GPR137B: variants seen among roughly 807,000 people sequenced by gnomAD.
GPR137B encodes G protein-coupled receptor 137B, also known as integral membrane protein GPR137B.
A neutral mutation model predicts 42.5 loss-of-function variants in GPR137B; 42 were observed. The observed-to-expected ratio is 0.99, with a 90% CI of 0.77 to 1.28. The LOEUF is 1.28. Among genes scored for constraint, GPR137B ranks in the 50% most tolerant of loss-of-function variants. The probability of loss-of-function intolerance (pLI) is 0.00; values close to 1 mark genes in which losing one functional copy is unlikely to be tolerated. For synonymous variants in GPR137B, 218 were observed against 209.7 expected (o/e 1.04, Z -0.34); for missense variants, 487 against 493.9 (o/e 0.99, Z 0.13).
At chr1:236,207,093 A>C in intron 6 of GPR137B, 2 of 968,094 alleles carry the variant, frequency 2.1e-6, no homozygotes, top group Non-Finnish European at 2.5e-6. Flanking sequence ...AGTCTTTAGA[A>C]AACTTTTTAA....
At chr1:236,184,683 T>C (rs1429448294) in intron 5 of GPR137B, among the ~76,000 whole-genome samples, 1 of 152,216 alleles carries the variant, frequency 6.6e-6, no homozygotes, top group African/African-American at 2.4e-5. Context: ...CCTGTTTTTT[T>C]ATCTTGTTTT....
At chr1:236,159,934 G>A (rs546285618) in intron 1 of GPR137B, among the ~76,000 whole-genome samples, 181 of 152,310 alleles carry the variant, frequency 1.2e-3, no homozygotes, top group African/African-American at 3.7e-3. Context: ...ATTCCCCAGC[G>A]CCTGACAGCG....
intron 1 of GPR137B, among the ~76,000 whole-genome samples, chr1:236,159,030 A>C (rs1259094256): frequency 6.6e-6 from 1 of 152,186 alleles, no homozygotes; most frequent in African/African-American, 2.4e-5. Context: ...CAGAAACACC[A>C]CTAAGACATT....
chr1:236,151,138 T>G (rs1295051852), intron 1 of GPR137B, among the ~76,000 whole-genome samples: 1 of 152,212 alleles, frequency 6.6e-6, no homozygotes, highest in Non-Finnish European at 1.5e-5. Flanking sequence ...GGAAGGTCTG[T>G]CTGGGTCCTG....
rs775952091 is a variant in GPR137B, at chr1:236,205,260, T to A, written c.1091+10T>A. 6.2e-7 allele frequency: 1 copy of A among 1,603,434 alleles called. No homozygotes were observed. Among genetic ancestry groups the A allele is most frequent in the Non-Finnish European group, 8.5e-7 (1 of 1,171,170 alleles). On this transcript the variant is annotated intron_variant, in intron 6 of 6. Coordinates refer to ENST00000366592, the MANE Select transcript of GPR137B (RefSeq NM_003272.4). Reference sequence around the variant, plus strand: ...AGGGACTTCAGGGAGGGTAAGACCCTACTTCATGTTAGACAAGCCTCATCA... The same window carrying A: ...AGGGACTTCAGGGAGGGTAAGACCCAACTTCATGTTAGACAAGCCTCATCA...
chr1:236,203,052 T>A (rs1254211), intron 5 of GPR137B, among the ~76,000 whole-genome samples: 1 of 151,842 alleles, frequency 6.6e-6, no homozygotes, highest in Admixed American at 6.6e-5. Context: ...TTCTGTTCTA[T>A]TGGTCTATGT....
chr1:236,195,038 A>G (rs1468873423), intron 5 of GPR137B, among the ~76,000 whole-genome samples: 1 of 152,162 alleles, frequency 6.6e-6, no homozygotes, highest in Non-Finnish European at 1.5e-5. Context: ...ATGTTTTGAT[A>G]CAGGCATGAT....
At chr1:236,178,924 A>T (rs1662786188) in intron 3 of GPR137B, among the ~76,000 whole-genome samples, 1 of 148,594 alleles carries the variant, frequency 6.7e-6, no homozygotes, top group African/African-American at 2.5e-5. Flanking sequence ...CAGCCTCCTG[A>T]GTAGCTGGGA....
At chr1:236,197,971 T>G (rs1663387738) in intron 5 of GPR137B, among the ~76,000 whole-genome samples, 2 of 152,156 alleles carry the variant, frequency 1.3e-5, no homozygotes, top group Admixed American at 1.3e-4. Context: ...TCCACCCGCC[T>G]CGGCCTCCCA....
At chr1:236,149,781 C>T (rs186175610) in intron 1 of GPR137B, among the ~76,000 whole-genome samples, 32 of 152,378 alleles carry the variant, frequency 2.1e-4, no homozygotes, top group Admixed American at 7.2e-4. Context: ...CCCCTGGCAC[C>T]GGCTCCCTGC....
chr1:236,147,544 A>G (rs1305664150), intron 1 of GPR137B, among the ~76,000 whole-genome samples: 1 of 152,122 alleles, frequency 6.6e-6, no homozygotes, highest in Non-Finnish European at 1.5e-5. Context: ...ATGCCTAACT[A>G]GCGTCTTCAG....
At chr1:236,146,622 C>T (rs1215408177) in intron 1 of GPR137B, among the ~76,000 whole-genome samples, 1 of 152,196 alleles carries the variant, frequency 6.6e-6, no homozygotes, top group African/African-American at 2.4e-5. Flanking sequence ...CCCGTCCGAG[C>T]CTCCGTGCAA....
intron 5 of GPR137B, among the ~76,000 whole-genome samples, chr1:236,199,306 T>C (rs529643910): frequency 6.6e-6 from 1 of 152,318 alleles, no homozygotes; most frequent in East Asian, 1.9e-4. Flanking sequence ...TAGCTATTAA[T>C]ATTTTGTTGA....
rs544590156 is a variant in GPR137B at position 236,162,371 on chromosome 1, T to C, written c.415-6335T>C. On this transcript the variant is annotated intron_variant, in intron 1 of 6. Transcript: ENST00000366592. Reference sequence around the variant, plus strand: ...AAACAGAACATAAAAATTCAGAAAATTTGCAGCCTGACTATACAATAGAAA... The same window carrying C: ...AAACAGAACATAAAAATTCAGAAAACTTGCAGCCTGACTATACAATAGAAA... 5.3e-5 allele frequency among the ~76,000 whole-genome samples: 8 copies of C among 152,232 alleles called. No homozygotes were observed. In the South Asian group the frequency reaches 1.7e-3, roughly 32 times the overall value.
rs146586565 is a variant in GPR137B, at chr1:236,171,771, G to A, written c.464+3016G>A. Reference sequence around the variant, plus strand: ...AAAAGTGAGATGTTTGGGACTGGGCGCGGTGGCTCATGCCTGTAATCCCAG... The same window carrying A: ...AAAAGTGAGATGTTTGGGACTGGGCACGGTGGCTCATGCCTGTAATCCCAG... On this transcript the variant is annotated intron_variant, in intron 2 of 6. Coordinates refer to ENST00000366592, the MANE Select transcript of GPR137B (RefSeq NM_003272.4). This position sits in a 1 kb window ranked among gnomAD's most constrained non-coding sequence, Gnocchi z 4.4. Among the ~76,000 whole-genome samples the A allele has an allele frequency of 4.2e-3, 636 of 152,258 alleles. 5 individuals are homozygous for A. Among genetic ancestry groups the A allele is most frequent in the African/African-American group, 0.014 (586 of 41,554 alleles).
intron 2 of GPR137B, among the ~76,000 whole-genome samples, chr1:236,173,529 T>C (rs13374732): frequency 0.073 from 11,084 of 151,990 alleles, 503 homozygotes; most frequent in African/African-American, 0.11. Context: ...CAGTAGGAGG[T>C]GTCGGGCACT....
intron 1 of GPR137B, among the ~76,000 whole-genome samples, chr1:236,166,387 G>T (rs953559721): frequency 6.7e-6 from 1 of 150,252 alleles, no homozygotes; most frequent in African/African-American, 2.5e-5. Flanking sequence ...GTGGAACCAG[G>T]ACTCCTTTAA....
At chr1:236,157,956 A>G (rs2102896316) in intron 1 of GPR137B, among the ~76,000 whole-genome samples, 1 of 152,340 alleles carries the variant, frequency 6.6e-6, no homozygotes, top group East Asian at 1.9e-4. Context: ...ATTCATATAA[A>G]GTGCAAAACC....
intron 5 of GPR137B, among the ~76,000 whole-genome samples, chr1:236,189,569 T>A (rs7535079): frequency 0.33 from 50,452 of 152,036 alleles, 8,962 homozygotes; most frequent in East Asian, 0.61. Flanking sequence ...TTAATTTTCT[T>A]ACTTACCCAG....
Sources: allele counts gnomAD v4.1 joint callset (sites outside exome capture counted in the v4.1 genomes callset), GRCh38; gene constraint gnomAD v4.1.1; non-coding constraint Gnocchi (gnomAD v3.1); transcripts MANE v1.5; gene names NCBI Gene and HGNC (gene_info 2026-07-23, HGNC 2026-07-21).